The following MYO1H variants were observed in gnomAD, a reference collection of about 807,000 sequenced individuals.
MYO1H encodes the protein myosin IH, also known as unconventional myosin-Ih.
MYO1H carries 118 observed loss-of-function variants against 149.3 expected under a neutral mutation model. The observed-to-expected ratio is 0.79, with a 90% CI of 0.68 to 0.92. MYO1H has a LOEUF of 0.92. Among genes scored for constraint, MYO1H ranks in the 40% least tolerant of loss-of-function variants. The pLI is 0.00. For missense variants in MYO1H, 1,212 were observed against 1,280.7 expected (o/e 0.95, Z 0.82); for synonymous variants, 447 against 465.2 (o/e 0.96, Z 0.50).
chr12:109,358,846 T>TAA (rs541289093), intron 1 of MYO1H, among the ~76,000 whole-genome samples: 91 of 84,520 alleles, frequency 1.1e-3, no homozygotes, highest in South Asian at 4.3e-3. Flanking sequence ...CCTGTGGTGT[T>TAA]AAAAAAAAAA....
chr12:109,402,997 CTATTA>C (rs1481865602), intron 6 of MYO1H, among the ~76,000 whole-genome samples: 1 of 152,140 alleles, frequency 6.6e-6, no homozygotes, highest in African/African-American at 2.4e-5. Flanking sequence ...CAATTTGCCA[CTATTA>C]TTTTAAAACC....
At chr12:109,440,374 C>T (rs554327632) in intron 24 of MYO1H, among the ~76,000 whole-genome samples, 1 of 152,084 alleles carries the variant, frequency 6.6e-6, no homozygotes, top group Non-Finnish European at 1.5e-5. Context: ...CCTGACGTAG[C>T]CTTCCTAGAA....
intron 1 of MYO1H, among the ~76,000 whole-genome samples, chr12:109,361,300 A>G (rs543796372): frequency 1.3e-5 from 2 of 152,290 alleles, no homozygotes; most frequent in South Asian, 4.1e-4. Flanking sequence ...CTAGCACCCC[A>G]GAAACCCCTC....
chr12:109,340,769 ATCTG>A, the MYO1H span, among the ~76,000 whole-genome samples: 16 of 152,320 alleles, frequency 1.1e-4, no homozygotes, highest in African/African-American at 2.9e-4. Flanking sequence ...ACTCCGGCAA[ATCTG>A]TCTATGATTT....
In MYO1H at chr12:109,402,555, T is replaced by G. The variant is rs149563433; in HGVS notation, c.750+1283T>G. Among the ~76,000 whole-genome samples the G allele has an allele frequency of 4.4e-3, 667 of 152,190 alleles. 4 individuals carry two copies. Among genetic ancestry groups the G allele is most frequent in the African/African-American group, 0.015 (633 of 41,508 alleles). On this transcript the variant is annotated intron_variant, in intron 6 of 31. Transcript: ENST00000310903. ...GGCCAAGGCAGGAGGATCGCTTGAG[T>G]CCAGGAATTTAAGACCGGCCTGGGC...
At chr12:109,388,439 A>T (rs557823257) in intron 1 of MYO1H, among the ~76,000 whole-genome samples, 111 of 152,336 alleles carry the variant, frequency 7.3e-4, no homozygotes, top group Non-Finnish European at 1.4e-3. Context: ...AAACAGTATA[A>T]GTCAAGTGTT....
chr12:109,319,515 A>G, the MYO1H span, among the ~76,000 whole-genome samples: 80 of 152,236 alleles, frequency 5.3e-4, no homozygotes, highest in African/African-American at 1.9e-3. Context: ...AGGTGAATGT[A>G]ACACTAATGA....
intron 3 of MYO1H, among the ~76,000 whole-genome samples, chr12:109,395,987 C>T (rs559349399): frequency 6.6e-6 from 1 of 151,996 alleles, no homozygotes; most frequent in Non-Finnish European, 1.5e-5. Context: ...GGCATAATCT[C>T]GGCTCACTGC....
the MYO1H span, among the ~76,000 whole-genome samples, chr12:109,314,602 G>A: frequency 6.6e-6 from 1 of 152,064 alleles, no homozygotes; most frequent in Non-Finnish European, 1.5e-5. Flanking sequence ...AGTCCCCCTG[G>A]CTGAGTGTTT....
the MYO1H span, among the ~76,000 whole-genome samples, chr12:109,318,334 C>T: frequency 6.6e-6 from 1 of 152,022 alleles, no homozygotes; most frequent in Non-Finnish European, 1.5e-5. Context: ...AATGTAGCTG[C>T]TCCTTCCCCT....
intron 24 of MYO1H, among the ~76,000 whole-genome samples, chr12:109,440,303 T>G (rs1268556627): frequency 1.3e-5 from 2 of 152,206 alleles, no homozygotes; most frequent in African/African-American, 2.4e-5. Context: ...CCCAAAGTGC[T>G]GGGATTACAG....
intron 1 of MYO1H, among the ~76,000 whole-genome samples, chr12:109,348,979 A>G (rs1471519513): frequency 6.6e-6 from 1 of 152,234 alleles, no homozygotes; most frequent in Non-Finnish European, 1.5e-5. Flanking sequence ...GGCAACTGGT[A>G]ACTCAAAATG....
chr12:109,324,421 C>G, the MYO1H span, among the ~76,000 whole-genome samples: 1 of 152,150 alleles, frequency 6.6e-6, no homozygotes, highest in Non-Finnish European at 1.5e-5. Context: ...AGATGTAGAA[C>G]AAGTGGGATG....
the MYO1H span, among the ~76,000 whole-genome samples, chr12:109,320,438 C>A: frequency 8.7e-6 from 1 of 114,666 alleles, no homozygotes; most frequent in Non-Finnish European, 1.7e-5. Flanking sequence ...GATGAAACCC[C>A]ATCTCTATTA....
chr12:109,318,387 G>A, the MYO1H span, among the ~76,000 whole-genome samples: 1 of 152,080 alleles, frequency 6.6e-6, no homozygotes, highest in Non-Finnish European at 1.5e-5. Context: ...TCCCTTCACT[G>A]TTTGGCTGGT....
Position 109,426,068 on chromosome 12 carries a change from T to G in MYO1H, c.1831+17T>G. ...AAGAACCCAGTGAGTTGTGGATCAT[T>G]ATGAACTGGGCTCAGGGAAAGGAGG... On this transcript the variant is annotated intron_variant, in intron 18 of 31. Transcript: ENST00000310903. The G allele has an allele frequency of 6.3e-7, 1 of 1,585,758 alleles. No homozygotes were observed. The highest frequency in any genetic ancestry group is 8.7e-7 in the Non-Finnish European group (1 of 1,155,116).
chr12:109,415,737 C>T (rs1177066435), intron 15 of MYO1H, 117 bp downstream of exon 15: 33 of 567,990 alleles, frequency 5.8e-5, no homozygotes, highest in South Asian at 5.8e-5. Context: ...TCCCTAACCT[C>T]GCGTTCAAGC....
chr12:109,412,488 T>G (rs570844185), intron 14 of MYO1H, among the ~76,000 whole-genome samples: 1 of 152,324 alleles, frequency 6.6e-6, no homozygotes, highest in South Asian at 2.1e-4. Flanking sequence ...AGATTTTATA[T>G]CTTCCTTTAT....
intron 1 of MYO1H, among the ~76,000 whole-genome samples, chr12:109,363,638 G>A (rs1868800940): frequency 6.6e-6 from 1 of 152,010 alleles, no homozygotes; most frequent in Non-Finnish European, 1.5e-5. Context: ...CTTGAACCCA[G>A]GAGGCAGAGG....
Sources: gnomAD v4.1 joint callset for allele counts (sites outside exome capture counted in the v4.1 genomes callset) on GRCh38, gnomAD v4.1.1 for gene constraint, MANE v1.5 for transcripts, NCBI Gene and HGNC (gene_info 2026-07-23, HGNC 2026-07-21) for gene names.